ADAMTS16: variants seen among roughly 807,000 people sequenced by gnomAD.
The protein encoded by ADAMTS16 is ADAM metallopeptidase with thrombospondin type 1 motif 16.
In ADAMTS16, 94 loss-of-function variants were observed where a neutral mutation model predicts 145.8. That is an observed-to-expected ratio of 0.64 (90% CI 0.55 to 0.77). The LOEUF is 0.77. Among genes scored for constraint, ADAMTS16 ranks in the 30% least tolerant of loss-of-function variants. The pLI, the probability that ADAMTS16 is intolerant of heterozygous loss-of-function variation, is 0.00. For missense variants in ADAMTS16, 1,585 were observed against 1,591.5 expected (o/e 1.00, Z 0.07); for synonymous variants, 659 against 604.3 (o/e 1.09, Z -1.33).
At chr5:5,161,393 T>C (rs955522411) in intron 3 of ADAMTS16, among the ~76,000 whole-genome samples, 3 of 152,220 alleles carry the variant, frequency 2.0e-5, no homozygotes, top group African/African-American at 4.8e-5. Context: ...CCACCCTTTG[T>C]CAATGGTGTG....
chr5:5,263,944 T>A (rs1738134121), intron 18 of ADAMTS16, among the ~76,000 whole-genome samples: 1 of 152,104 alleles, frequency 6.6e-6, no homozygotes. Flanking sequence ...CGGAGAATTT[T>A]ATCAAGCGAT....
intron 2 of ADAMTS16, among the ~76,000 whole-genome samples, chr5:5,145,093 G>A (rs558873883): frequency 1.3e-5 from 2 of 152,122 alleles, no homozygotes; most frequent in Non-Finnish European, 2.9e-5. Context: ...GAGATTATGA[G>A]CCTACCACTT....
intron 17 of ADAMTS16, among the ~76,000 whole-genome samples, chr5:5,246,835 C>G (rs960586147): frequency 2.0e-5 from 3 of 152,182 alleles, no homozygotes; most frequent in Non-Finnish European, 4.4e-5. Context: ...ATGGTATATA[C>G]TTGGCCCTGT....
rs934410482 is a variant in ADAMTS16, at chr5:5,268,559, C to T, written c.2789+5776C>T. Among the ~76,000 whole-genome samples the T allele has an allele frequency of 5.9e-5, 9 of 152,194 alleles. No individual in the cohort carries two copies. The South Asian group carries it at 1.5e-3, about 25-fold the overall frequency. ...TGGTCTCCCCTGATTCGGTCTCTCA[C>T]GCCTGCCATCAACAATAACTGCCCA... On this transcript the variant is annotated intron_variant, in intron 18 of 22. Transcript: ENST00000274181.
At position 5,269,119 on chromosome 5, in the gene ADAMTS16, A is replaced by T. The variant is rs943839890; in HGVS notation, c.2789+6336A>T. On this transcript the variant is annotated intron_variant, in intron 18 of 22. Coordinates refer to ENST00000274181, the MANE Select transcript of ADAMTS16 (RefSeq NM_139056.4). This position sits in a 1 kb window ranked among gnomAD's most constrained non-coding sequence, Gnocchi z 4.3. ...CTTGTCATGCAGCTCCTATGCTTCA[A>T]GATCCACACTGAAGTTGTCCTTCTG... 5.3e-5 allele frequency among the ~76,000 whole-genome samples: 8 copies of T among 152,074 alleles called. 1 individual carries two copies. The highest frequency in any genetic ancestry group is 4.6e-4 in the Admixed American group (7 of 15,264).
rs142162896 is a variant in ADAMTS16, at chr5:5,304,018, C to G, written c.3186+252C>G. On this transcript the variant is annotated intron_variant, in intron 20 of 22. Coordinates refer to ENST00000274181, the MANE Select transcript of ADAMTS16 (RefSeq NM_139056.4). ...CACTGGTCCAGCGTGGAGCAGAGGA[C>G]GAGAGGGTTGAGGGGGTGTGAGCGT... 8.9e-4 allele frequency among the ~76,000 whole-genome samples: 135 copies of G among 152,212 alleles called. 3 individuals are homozygous for G. In the East Asian group the frequency reaches 0.025, roughly 28 times the overall value.
At chr5:5,278,905 A>G (rs1560984347) in intron 18 of ADAMTS16, among the ~76,000 whole-genome samples, 1 of 152,228 alleles carries the variant, frequency 6.6e-6, no homozygotes, top group Non-Finnish European at 1.5e-5. Flanking sequence ...AAAAACCAAT[A>G]AAAAACCAAC....
intron 17 of ADAMTS16, among the ~76,000 whole-genome samples, chr5:5,248,240 A>AT (rs1340782064): frequency 6.6e-6 from 1 of 152,196 alleles, no homozygotes; most frequent in Non-Finnish European, 1.5e-5. Context: ...AAAGTCAGCA[A>AT]TTTTTTGATG....
chr5:5,309,862 G>T (rs1398994930), intron 21 of ADAMTS16, among the ~76,000 whole-genome samples: 2 of 149,670 alleles, frequency 1.3e-5, no homozygotes, highest in Non-Finnish European at 3.0e-5. Context: ...GTGTGCATGT[G>T]ATCAGAAGAG....
chr5:5,181,815 G>A (rs7724547), intron 3 of ADAMTS16, among the ~76,000 whole-genome samples: 27,498 of 152,004 alleles, frequency 0.18, 2,619 homozygotes, highest in Middle Eastern at 0.27. Context: ...GCAGCTCCAC[G>A]CCAGCCTTTC....
chr5:5,206,702 G>A (rs774782884), intron 9 of ADAMTS16, among the ~76,000 whole-genome samples: 4 of 151,908 alleles, frequency 2.6e-5, no homozygotes, highest in South Asian at 2.1e-4. Flanking sequence ...GGCTGGTCTC[G>A]AACTCCCGAC....
At chr5:5,299,325 T>C (rs1385100023) in intron 18 of ADAMTS16, among the ~76,000 whole-genome samples, 1 of 152,228 alleles carries the variant, frequency 6.6e-6, no homozygotes, top group Admixed American at 6.5e-5. Flanking sequence ...AGAGCATGGC[T>C]GCCCTGGCGG....
chr5:5,176,321 T>C (rs988759415), intron 3 of ADAMTS16: 13 of 152,202 alleles, frequency 8.5e-5, no homozygotes, highest in African/African-American at 3.1e-4. Context: ...AAGAAGTATT[T>C]ACCCCTGACA....
In ADAMTS16 at chr5:5,186,129, C is replaced by G. The variant is rs1408042640; in HGVS notation, c.841C>G (p.Leu281Val). ...YKSCLRHKRS[L>V]LRSHRNEELN... ...GTCTTGCTTACGGCATAAGCGCTCTCTTCTGAGGTCCCATAGAAATGAAGA... is the reference window on the plus strand; with the variant it reads ...GTCTTGCTTACGGCATAAGCGCTCTGTTCTGAGGTCCCATAGAAATGAAGA... The change falls in exon 5 of 23, where the codon CTT becomes GTT. Residue 281 changes from leucine (L) to valine (V), a missense_variant. By Grantham distance (32) the Leu-to-Val change is conservative. This residue lies in a region of ADAMTS16 where 453 missense variants were observed against 412.1 expected (regional missense o/e 1.10). Transcript: ENST00000274181. 3.1e-6 allele frequency: 5 copies of G among 1,613,990 alleles called. No homozygotes were observed. Among genetic ancestry groups the G allele is most frequent in the Non-Finnish European group, 4.2e-6 (5 of 1,180,038 alleles).
intron 3 of ADAMTS16, among the ~76,000 whole-genome samples, chr5:5,151,208 CTTTT>C (rs1734444123): frequency 6.7e-6 from 1 of 148,778 alleles, no homozygotes; most frequent in African/African-American, 2.5e-5. Flanking sequence ...TCCTTTATTT[CTTTT>C]CTCTTATTTA....
intron 17 of ADAMTS16, among the ~76,000 whole-genome samples, chr5:5,253,887 G>A (rs541250356): frequency 8.5e-5 from 13 of 152,246 alleles, no homozygotes; most frequent in African/African-American, 3.1e-4. Flanking sequence ...AACAAGATCA[G>A]GGCCCTCCTT....
intron 3 of ADAMTS16, among the ~76,000 whole-genome samples, chr5:5,149,576 G>T (rs980930508): frequency 1.3e-5 from 2 of 152,112 alleles, no homozygotes; most frequent in African/African-American, 4.8e-5. Context: ...GAGTTAATTA[G>T]CTCTATTCAT....
At position 5,157,402 on chromosome 5, in the gene ADAMTS16, G is replaced by T. The variant is rs557359668; in HGVS notation, c.501+10947G>T. 6.4e-5 allele frequency among the ~76,000 whole-genome samples: 9 copies of T among 140,470 alleles called. No homozygotes were observed. In the East Asian group the frequency reaches 1.8e-3, roughly 27 times the overall value. The allele number at this position is 140,470 out of a possible 152,430, so 92.2% of individuals were successfully genotyped here. ...TTGTAGCAAAAATAAGCCTCTCTGG[G>T]ATAAAACTTAAAAAAAAATCATATG... On this transcript the variant is annotated intron_variant, in intron 3 of 22. Coordinates refer to ENST00000274181, the MANE Select transcript of ADAMTS16 (RefSeq NM_139056.4).
intron 16 of ADAMTS16, among the ~76,000 whole-genome samples, chr5:5,240,599 T>G (rs1265580769): frequency 6.6e-6 from 1 of 152,200 alleles, no homozygotes; most frequent in East Asian, 1.9e-4. Flanking sequence ...GGTTCAAAAG[T>G]TGCCCCATCC....
Sources: allele counts gnomAD v4.1 joint callset (sites outside exome capture counted in the v4.1 genomes callset), GRCh38; gene constraint gnomAD v4.1.1; regional missense constraint gnomAD v4.1.1; non-coding constraint Gnocchi (gnomAD v3.1); transcripts MANE v1.5; gene names NCBI Gene and HGNC (gene_info 2026-07-23, HGNC 2026-07-21).